The following NISCH variants were observed in gnomAD, a reference collection of about 807,000 sequenced individuals.
The protein encoded by NISCH is nischarin.
A neutral mutation model predicts 138.4 loss-of-function variants in NISCH; 55 were observed. That is an observed-to-expected ratio of 0.40 (90% CI 0.32 to 0.50). The LOEUF (loss-of-function observed/expected upper bound fraction) is 0.50, where lower values mean the gene tolerates loss of function less well. NISCH is among the 20% of genes least tolerant of loss of function. The probability of loss-of-function intolerance (pLI) is 0.71; values close to 1 mark genes in which losing one functional copy is unlikely to be tolerated. For synonymous variants in NISCH, 860 were observed against 861.5 expected, an observed-to-expected ratio of 1.00 and a Z score of 0.03; for missense variants, 1,643 against 2,005.5, an observed-to-expected ratio of 0.82 and a Z score of 3.45.
intron 13 of NISCH, chr3:52,481,133 C>T: frequency 7.9e-7 from 1 of 1,264,150 alleles, no homozygotes; most frequent in South Asian, 3.0e-5. Context: ...TGGGGATTTT[C>T]TCTTAGAGGG....
Position 52,479,751 on chromosome 3 carries a change from C to G in NISCH, c.1305C>G (p.Val435=). ...TAGCCACTTTCTGGATGCTCTAGGT[C>G]TGTCTGGATGACACAGTGACCACAG... The part of the protein sequence containing the change: ...LAQFGERASE[V]CLDDTVTTEK... Residue 435 remains valine, a splice_region_variant and synonymous_variant, in exon 12 of 21, where the codon GTC becomes GTG. Transcript: ENST00000345716. 1 of 1,610,836 alleles carries G rather than the reference C, an allele frequency of 6.2e-7. No homozygotes were observed. Among genetic ancestry groups the G allele is most frequent in the Non-Finnish European group, 8.5e-7 (1 of 1,178,308 alleles).
chr3:52,455,658 C>A lies in NISCH; in HGVS notation c.17C>A (p.Thr6Asn). 7.4e-7 allele frequency: 1 copy of A among 1,351,776 alleles called. No individual in the cohort carries two copies. The highest frequency in any genetic ancestry group is 9.6e-7 in the Non-Finnish European group (1 of 1,043,268). The allele number at this position is 1,351,776 out of a possible 1,614,324, so 83.7% of individuals were successfully genotyped here. A position where few individuals can be genotyped will look rare whatever the true frequency, so the allele number is the denominator to read the frequency against. ...GACCCGAACATGGCGACCGCGCGCA[C>A]CTTCGGGCCCGAGCGGGAAGCCGAG... Reference protein sequence around the residue: MATARTFGPEREAEPA... With the variant: MATARNFGPEREAEPA... The change falls in exon 1 of 21, where the codon ACC becomes AAC. Residue 6 changes from threonine (T) to asparagine (N), a missense_variant. By Grantham distance (65) the Thr-to-Asn change is moderately conservative. Transcript: ENST00000345716.
chr3:52,482,301 G>A (rs1707296859), intron 13 of NISCH, among the ~76,000 whole-genome samples: 1 of 152,178 alleles, frequency 6.6e-6, no homozygotes, highest in Non-Finnish European at 1.5e-5. Context: ...ACTGGCACTC[G>A]GGCCTGCCTG....
chr3:52,485,958 T>C, intron 15 of NISCH, 131 bp downstream of exon 15: 1 of 774,920 alleles, frequency 1.3e-6, no homozygotes, highest in Non-Finnish European at 2.2e-6. Flanking sequence ...AACTATTTCT[T>C]CCTCTAAAGA....
At chr3:52,466,274 A>C (rs564982294) in intron 3 of NISCH, among the ~76,000 whole-genome samples, 12 of 152,198 alleles carry the variant, frequency 7.9e-5, no homozygotes, top group African/African-American at 2.9e-4. Flanking sequence ...AATTAAAGTG[A>C]GACGAGGAGG....
Position 52,491,860 on chromosome 3 carries a change from A to G in NISCH, c.3905-12A>G, listed in dbSNP as rs1707573307. 1 of 1,571,884 alleles carries G rather than the reference A, an allele frequency of 6.4e-7. No individual in the cohort carries two copies. The highest frequency in any genetic ancestry group is 8.7e-7 in the Non-Finnish European group (1 of 1,155,344). On this transcript the variant is annotated splice_polypyrimidine_tract_variant and intron_variant, in intron 20 of 20. Transcript: ENST00000345716. ...GGTTCCAGGCTATAGCCCAGGTGGCATCTCTCTGCAGGGAAGATGGAGAAC... is the reference window on the plus strand; with the variant it reads ...GGTTCCAGGCTATAGCCCAGGTGGCGTCTCTCTGCAGGGAAGATGGAGAAC...
chr3:52,488,577 G>C lies in NISCH; in HGVS notation c.3085G>C (p.Asp1029His), dbSNP rs759293411. ...AGGCAGCCCCCAGGGCTCCTTTGCG[G>C]ATGGCCAGCCTGCCGAGCGCAGGGC... ...TGGSPQGSFA[D>H]GQPAERRASN... is the part of the protein sequence containing the mutation. Residue 1029 changes from aspartate to histidine, a missense_variant, in exon 16 of 21, where the codon GAT becomes CAT. Physicochemically the swap from Asp to His is moderately conservative, Grantham distance 81. Coordinates refer to ENST00000345716, the MANE Select transcript of NISCH (RefSeq NM_007184.4). The C allele has an allele frequency of 2.5e-6, 4 of 1,611,844 alleles. No homozygotes were observed. Among genetic ancestry groups the C allele is most frequent in the Non-Finnish European group, 3.4e-6 (4 of 1,179,270 alleles).
At position 52,471,955 on chromosome 3, in the gene NISCH, C is replaced by T; in HGVS notation, c.551C>T (p.Thr184Ile). The T allele has an allele frequency of 1.2e-6, 2 of 1,602,860 alleles. No individual in the cohort carries two copies. Among genetic ancestry groups the T allele is most frequent in the Middle Eastern group, 1.7e-4 (1 of 5,996 alleles). ...GACCTCGGGCACATCCTGGACTTCA[C>T]CTGTCGCCTTAAGTACCTTAAGGTA... is the stretch of plus-strand genomic sequence containing the variant. ...KTDLGHILDF[T>I]CRLKYLKVSG... Residue 184 changes from threonine to isoleucine, a missense_variant, in exon 5 of 21, where the codon ACC becomes ATC. Transcript: ENST00000345716.
chr3:52,481,094 C>T (rs771442097), intron 13 of NISCH: 56 of 1,307,510 alleles, frequency 4.3e-5, no homozygotes, highest in Non-Finnish European at 5.3e-5. Context: ...GAAAAACATT[C>T]CCACCCCTTG....
chr3:52,478,642 C>T (rs562793080), intron 11 of NISCH, 65 bp downstream of exon 11: 31 of 1,443,512 alleles, frequency 2.1e-5, no homozygotes, highest in Admixed American at 1.5e-4. Flanking sequence ...TCTGCATGGG[C>T]GGTAGGGGGA....
intron 11 of NISCH, 27 bp downstream of exon 11, chr3:52,478,604 C>T (rs766087297): frequency 8.1e-6 from 13 of 1,607,906 alleles, no homozygotes; most frequent in Non-Finnish European, 1.0e-5. Flanking sequence ...TCAGAAGAGC[C>T]CAGGGAGACC....
intron 13 of NISCH, 51 bp from the exon 14 acceptor site, chr3:52,484,462 T>TGGGGCCCCCC: frequency 2.3e-5 from 18 of 788,668 alleles, no homozygotes; most frequent in Non-Finnish European, 3.1e-5. Flanking sequence ...ACAGCCGCTC[T>TGGGGCCCCCC]CCCCGCCCCA....
intron 3 of NISCH, among the ~76,000 whole-genome samples, chr3:52,468,973 G>T (rs2153230981): frequency 6.6e-6 from 1 of 152,110 alleles, no homozygotes; most frequent in Middle Eastern, 3.4e-3. Flanking sequence ...CATGAACAAA[G>T]GTAAAAGGTA....
At chr3:52,477,782 A>C in intron 9 of NISCH, 140 bp downstream of exon 9, 2 of 712,076 alleles carry the variant, frequency 2.8e-6, no homozygotes, top group South Asian at 3.3e-5. Context: ...GATCCCAGCA[A>C]TGCACTGAGT....
At chr3:52,460,186 CAAAAAAAAAAAAA>C (rs60865450) in intron 3 of NISCH, among the ~76,000 whole-genome samples, 4 of 56,204 alleles carry the variant, frequency 7.1e-5, no homozygotes, top group East Asian at 5.8e-4. Flanking sequence ...GACTTCATCT[CAAAAAAAAAAAAA>C]AAAAAAAAAA....
chr3:52,472,452 GTGTT>G (rs749327294), intron 6 of NISCH, 54 bp downstream of exon 6: 154 of 1,482,720 alleles, frequency 1.0e-4, no homozygotes, highest in African/African-American at 4.0e-4. Context: ...AGGCTAGAGA[GTGTT>G]TGTGATGTTG....
In NISCH at chr3:52,485,802, G is replaced by A. The variant is rs755842068; in HGVS notation, c.1678G>A (p.Val560Met). The A allele has an allele frequency of 1.6e-5, 25 of 1,583,432 alleles. No individual in the cohort carries two copies. In the Admixed American group the frequency reaches 3.0e-4, roughly 19 times the overall value. Residue 560 changes from valine (V) to methionine (M), a missense_variant, in exon 15 of 21, where the codon GTG (valine) becomes ATG (methionine). Val to Met is a conservative substitution (Grantham distance 21, BLOSUM62 1). Coordinates refer to ENST00000345716, the MANE Select transcript of NISCH (RefSeq NM_007184.4). Reference protein sequence around the residue: ...GQAASDDLRDVPGAVGGASPE... With the variant: ...GQAASDDLRDMPGAVGGASPE... ...GGCAGCTTCCGATGATTTAAGGGAC[G>A]TGCCAGGAGCTGTTGGTGGTGCAAG...
chr3:52,458,752 A>G lies in NISCH; in HGVS notation c.268A>G (p.Lys90Glu). 6.2e-7 allele frequency: 1 copy of G among 1,613,802 alleles called. No individual in the cohort carries two copies. Among genetic ancestry groups the G allele is most frequent in the Non-Finnish European group, 8.5e-7 (1 of 1,179,976 alleles). Reference sequence around the variant, plus strand: ...AAGAAGCTTGGTGGAGAAGAGGGAGAAGGATCTGGAGGTCTACCTCCAGAA... The same window carrying G: ...AAGAAGCTTGGTGGAGAAGAGGGAGGAGGATCTGGAGGTCTACCTCCAGAA... The part of the protein sequence containing the change: ...NSRSLVEKRE[K>E]DLEVYLQKLL... The change falls in exon 3 of 21, where the codon AAG becomes GAG. Residue 90 changes from lysine to glutamate, a missense_variant. Coordinates refer to ENST00000345716, the MANE Select transcript of NISCH (RefSeq NM_007184.4).
rs1225749978 is a variant in NISCH at position 52,488,051 on chromosome 3, G to A, written c.2559G>A (p.Gln853=). ...CTGGCGGCTGCCAGGAGCGCAGCCA[G>A]GGCTGCTTCCCCGTCTACCTGGTCT... ...KVAGGCQERS[Q]GCFPVYLVYS... The change falls in exon 16 of 21, where the codon CAG becomes CAA. Residue 853 remains glutamine, a synonymous_variant. Transcript: ENST00000345716. 9.3e-6 allele frequency: 15 copies of A among 1,612,578 alleles called. No individual in the cohort carries two copies. Among genetic ancestry groups the A allele is most frequent in the Non-Finnish European group, 1.3e-5 (15 of 1,179,916 alleles).
Sources: allele counts gnomAD v4.1 joint callset (sites outside exome capture counted in the v4.1 genomes callset), GRCh38; gene constraint gnomAD v4.1.1; transcripts MANE v1.5; gene names NCBI Gene and HGNC (gene_info 2026-07-23, HGNC 2026-07-21).